ALG14: variants seen among roughly 807,000 people sequenced by gnomAD.
ALG14 encodes UDP-N-acetylglucosamine transferase subunit ALG14.
ALG14 carries 17 observed loss-of-function variants against 22.8 expected under a neutral mutation model. That is an observed-to-expected ratio of 0.75 (90% CI 0.51 to 1.12). The LOEUF (loss-of-function observed/expected upper bound fraction) is 1.12. Among genes scored for constraint, ALG14 ranks in the 50% most tolerant of loss-of-function variants. The pLI is 0.00. For missense variants in ALG14, 288 were observed against 271.8 expected, an observed-to-expected ratio of 1.06 and a Z score of -0.42; for synonymous variants, 89 against 103.7, an observed-to-expected ratio of 0.86 and a Z score of 0.86.
At chr1:95,015,875 G>A (rs763566528) in intron 3 of ALG14, among the ~76,000 whole-genome samples, 4 of 152,146 alleles carry the variant, frequency 2.6e-5, no homozygotes, top group Non-Finnish European at 5.9e-5. Flanking sequence ...TAGACATTCC[G>A]TGGTCTAAGT....
chr1:95,021,493 C>T (rs1478305683), intron 3 of ALG14, among the ~76,000 whole-genome samples: 4 of 152,188 alleles, frequency 2.6e-5, no homozygotes, highest in Non-Finnish European at 5.9e-5. Flanking sequence ...TCGGTGCTGT[C>T]TGTGCCCCCT....
At chr1:95,023,677 T>C (rs1673728829) in intron 3 of ALG14, among the ~76,000 whole-genome samples, 1 of 152,238 alleles carries the variant, frequency 6.6e-6, no homozygotes, top group Non-Finnish European at 1.5e-5. Context: ...TTTTACTTGA[T>C]TAAAAATTAA....
chr1:95,059,564 C>A (rs896717164), intron 2 of ALG14, among the ~76,000 whole-genome samples: 2 of 151,480 alleles, frequency 1.3e-5, no homozygotes, highest in African/African-American at 4.9e-5. Context: ...TCTATGTTAA[C>A]TTTTGGGAGG....
chr1:95,064,342 C>A (rs557493649), intron 2 of ALG14, among the ~76,000 whole-genome samples: 1 of 152,266 alleles, frequency 6.6e-6, no homozygotes, highest in South Asian at 2.1e-4. Flanking sequence ...TGAGAGAGGG[C>A]ATCTTTGTCT....
intron 1 of ALG14, among the ~76,000 whole-genome samples, chr1:95,071,843 T>G (rs1176071829): frequency 3.3e-5 from 5 of 152,246 alleles, no homozygotes; most frequent in African/African-American, 1.2e-4. Flanking sequence ...ACACAATTAT[T>G]ACAAGATTAT....
intron 3 of ALG14, among the ~76,000 whole-genome samples, chr1:95,017,771 G>A (rs1673544778): frequency 6.6e-6 from 1 of 152,132 alleles, no homozygotes; most frequent in Non-Finnish European, 1.5e-5. Flanking sequence ...GACTCTAATA[G>A]CCACATCGAC....
intron 1 of ALG14, among the ~76,000 whole-genome samples, chr1:95,066,698 T>G (rs1557658900): frequency 6.6e-6 from 1 of 152,132 alleles, no homozygotes; most frequent in Non-Finnish European, 1.5e-5. Flanking sequence ...ACACATCTGG[T>G]TTATACTCAT....
At chr1:95,028,636 G>A (rs1420193780) in intron 2 of ALG14, among the ~76,000 whole-genome samples, 1 of 151,826 alleles carries the variant, frequency 6.6e-6, no homozygotes, top group Non-Finnish European at 1.5e-5. Flanking sequence ...TGGCCAACAT[G>A]GTGAAACCCC....
rs566886425 is a variant in ALG14, at chr1:94,982,762, T to C, written c.*314A>G. On this transcript the variant is annotated 3_prime_UTR_variant, in exon 4 of 4. Transcript: ENST00000370205. Reference sequence around the variant, plus strand: ...AATATTACTAATCATACAAACTCTATATTTAGTTCTGTAAAAAAAATACTA... The same window carrying C: ...AATATTACTAATCATACAAACTCTACATTTAGTTCTGTAAAAAAAATACTA... The C allele has an allele frequency of 5.9e-5, 11 of 185,054 alleles. No homozygotes were observed. Among genetic ancestry groups the C allele is most frequent in the African/African-American group, 7.6e-5 (3 of 39,536 alleles). The allele number at this position is 185,054 out of a possible 1,614,324, so 11.5% of individuals were successfully genotyped here.
At chr1:95,065,981 C>T (rs1337483906) in intron 1 of ALG14, among the ~76,000 whole-genome samples, 1 of 152,084 alleles carries the variant, frequency 6.6e-6, no homozygotes, top group Non-Finnish European at 1.5e-5. Context: ...TCAAGGAGCC[C>T]TATCACACCC....
At chr1:94,994,383 T>G (rs1571582898) in intron 3 of ALG14, among the ~76,000 whole-genome samples, 1 of 152,352 alleles carries the variant, frequency 6.6e-6, no homozygotes, top group Middle Eastern at 3.4e-3. Flanking sequence ...CAGCTAGAGC[T>G]AGATGAAGCC....
rs941018442 is a variant in ALG14, at chr1:94,980,355, A to G, written c.*2721T>C. 29 of 152,214 alleles carry G rather than the reference A, an allele frequency of 1.9e-4. No homozygotes were observed. Among genetic ancestry groups the G allele is most frequent in the African/African-American group, 6.3e-4 (26 of 41,454 alleles). 9.4% of individuals were successfully genotyped at this position (152,214 alleles called of 1,614,324 possible). ...GTTAGACATTCTGACCTGGCAAGCTACTGAGACCTTTTAGGATAGCTGGAC... is the reference window on the plus strand; with the variant it reads ...GTTAGACATTCTGACCTGGCAAGCTGCTGAGACCTTTTAGGATAGCTGGAC... On this transcript the variant is annotated 3_prime_UTR_variant, in exon 4 of 4. Transcript: ENST00000370205.
chr1:95,057,622 C>CTGTGTGTGTGTG (rs139544863), intron 2 of ALG14, among the ~76,000 whole-genome samples: 7 of 143,956 alleles, frequency 4.9e-5, no homozygotes, highest in African/African-American at 1.8e-4. Flanking sequence ...AGATGACCAT[C>CTGTGTGTGTGTG]TGTGTGTGTG....
In ALG14 at chr1:95,044,872, ATT is replaced by A. The variant is rs145634022; in HGVS notation, c.289-17614_289-17613del. 2.3e-3 allele frequency among the ~76,000 whole-genome samples: 352 copies of A among 150,560 alleles called. 2 individuals are homozygous for A. The highest frequency in any genetic ancestry group is 4.8e-3 in the African/African-American group (198 of 41,142). ...ATATTTATTGCTGAATAAACAAAGT[ATT>A]TTTTTTTTAAAAAAAGCATTAGGAT... On this transcript the variant is annotated intron_variant, in intron 2 of 3. Transcript: ENST00000370205.
rs558758401 is a variant in ALG14 at position 95,008,099 on chromosome 1, C to T, written c.420+19030G>A. Among the ~76,000 whole-genome samples the T allele has an allele frequency of 7.2e-5, 11 of 152,244 alleles. No individual in the cohort carries two copies. The South Asian group carries it at 1.9e-3, about 26-fold the overall frequency. The stretch of plus-strand genomic sequence containing the variant: ...TTTCTTCTGAGAATCGCTTCTTTCC[C>T]ATTCCATGTTATTCTGGTGGAGCTG... On this transcript the variant is annotated intron_variant, in intron 3 of 3. Coordinates refer to ENST00000370205, the MANE Select transcript of ALG14 (RefSeq NM_144988.4).
In ALG14 at chr1:94,977,629, C is replaced by T. The variant is rs1672421711; in HGVS notation, c.*5447G>A. 1 of 148,702 alleles carries T rather than the reference C, an allele frequency of 6.7e-6. No homozygotes were observed. The highest frequency in any genetic ancestry group is 1.5e-5 in the Non-Finnish European group (1 of 67,716). 9.2% of individuals were successfully genotyped at this position (148,702 alleles called of 1,614,324 possible). A position where few individuals can be genotyped will look rare whatever the true frequency, so the allele number is the denominator to read the frequency against. On this transcript the variant is annotated 3_prime_UTR_variant, in exon 4 of 4. Coordinates refer to ENST00000370205, the MANE Select transcript of ALG14 (RefSeq NM_144988.4). The stretch of plus-strand genomic sequence containing the variant: ...TAAATATTGACAAATATAGCTCACA[C>T]AAACAAAAGCTCATTGGGATATATT...
At chr1:95,009,855 TATA>T (rs1396441744) in intron 3 of ALG14, among the ~76,000 whole-genome samples, 5 of 152,322 alleles carry the variant, frequency 3.3e-5, no homozygotes, top group Admixed American at 1.3e-4. Flanking sequence ...CCTATGATTA[TATA>T]ATATGTTAAC....
In ALG14 at chr1:95,026,184, G is replaced by A. The variant is rs542772920; in HGVS notation, c.420+945C>T. ...CCTAACCTTGTGATCCGCCTGCCTCGGCCTCCCAAAGGGCTGGGATTACAG... is the reference window on the plus strand; with the variant it reads ...CCTAACCTTGTGATCCGCCTGCCTCAGCCTCCCAAAGGGCTGGGATTACAG... On this transcript the variant is annotated intron_variant, in intron 3 of 3. Coordinates refer to ENST00000370205, the MANE Select transcript of ALG14 (RefSeq NM_144988.4). 2.3e-4 allele frequency among the ~76,000 whole-genome samples: 35 copies of A among 152,124 alleles called. No homozygotes were observed. The South Asian group carries it at 2.7e-3, about 12-fold the overall frequency.
chr1:95,031,632 C>A (rs1002438189), intron 2 of ALG14, among the ~76,000 whole-genome samples: 2 of 152,134 alleles, frequency 1.3e-5, no homozygotes, highest in Non-Finnish European at 2.9e-5. Flanking sequence ...TCCTGACTAG[C>A]CTTTCTAAAA....
Sources: allele counts gnomAD v4.1 joint callset (sites outside exome capture counted in the v4.1 genomes callset), GRCh38; gene constraint gnomAD v4.1.1; transcripts MANE v1.5; gene names NCBI Gene and HGNC (gene_info 2026-07-23, HGNC 2026-07-21).